The following GMDS variants were observed in gnomAD, a reference collection of about 807,000 sequenced individuals.
GMDS encodes the protein GDP-mannose 4,6 dehydratase.
Under a neutral mutation model 49.9 loss-of-function variants are expected in GMDS, and 20 were observed. The observed-to-expected ratio is 0.40, with a 90% CI of 0.28 to 0.58. The LOEUF is 0.58. GMDS is among the 20% of genes least tolerant of loss of function. The pLI is 0.42. For missense variants in GMDS, 362 were observed against 481.4 expected (o/e 0.75, Z 2.32); for synonymous variants, 177 against 178.6 (o/e 0.99, Z 0.07).
At chr6:2,194,594 T>C (rs1336628628) in intron 1 of GMDS, among the ~76,000 whole-genome samples, 5 of 152,234 alleles carry the variant, frequency 3.3e-5, no homozygotes, top group African/African-American at 9.6e-5. Flanking sequence ...CAAATTTCAA[T>C]TTTTATATCA....
intron 7 of GMDS, among the ~76,000 whole-genome samples, chr6:1,806,424 C>T (rs1419657139): frequency 1.4e-5 from 2 of 147,832 alleles, no homozygotes; most frequent in Non-Finnish European, 3.0e-5. Flanking sequence ...TCAAAAGAGA[C>T]CTCGAGCACA....
At chr6:2,197,157 A>G (rs1180913237) in intron 1 of GMDS, among the ~76,000 whole-genome samples, 1 of 152,254 alleles carries the variant, frequency 6.6e-6, no homozygotes, top group Non-Finnish European at 1.5e-5. Context: ...CACATCCATT[A>G]TGATAACTGT....
At chr6:1,966,148 AC>A in intron 4 of GMDS, among the ~76,000 whole-genome samples, 1 of 152,184 alleles carries the variant, frequency 6.6e-6, no homozygotes, top group South Asian at 2.1e-4. Flanking sequence ...AAGCTTCCAA[AC>A]CCCCAAAACT....
chr6:1,895,958 C>T (rs764987133), intron 7 of GMDS, among the ~76,000 whole-genome samples: 2 of 152,158 alleles, frequency 1.3e-5, no homozygotes, highest in African/African-American at 4.8e-5. Context: ...AGTGCAGGCA[C>T]TGAAGCTACA....
chr6:2,232,006 C>T (rs1320297653), intron 1 of GMDS, among the ~76,000 whole-genome samples: 3 of 152,040 alleles, frequency 2.0e-5, no homozygotes, highest in East Asian at 1.9e-4. Context: ...TGGACTAATG[C>T]CAATCCATGA....
intron 7 of GMDS, among the ~76,000 whole-genome samples, chr6:1,767,253 C>CTAA (rs3039698): frequency 6.6e-6 from 1 of 151,786 alleles, no homozygotes; most frequent in African/African-American, 2.4e-5. Context: ...TGTAAAATGG[C>CTAA]TAATTACAAA....
chr6:2,189,059 T>G (rs1460148576), intron 1 of GMDS, among the ~76,000 whole-genome samples: 3 of 152,156 alleles, frequency 2.0e-5, no homozygotes, highest in African/African-American at 7.2e-5. Flanking sequence ...TTATATGAAC[T>G]GGTGGAGAAC....
intron 4 of GMDS, among the ~76,000 whole-genome samples, chr6:2,022,045 T>C (rs1009320745): frequency 4.6e-5 from 7 of 152,186 alleles, no homozygotes; most frequent in Non-Finnish European, 7.4e-5. Context: ...ATGCTTTTCA[T>C]TGAAGCCTGA....
chr6:1,924,602 G>A (rs909378102), intron 7 of GMDS, among the ~76,000 whole-genome samples: 1 of 152,160 alleles, frequency 6.6e-6, no homozygotes, highest in Non-Finnish European at 1.5e-5. Flanking sequence ...ATCAAAGTGG[G>A]ATCTCATTGG....
In GMDS at chr6:1,930,132, C is replaced by A. The variant is rs1762220729; in HGVS notation, c.742G>T (p.Asp248Tyr). ...ACATAGTCCTTGGCATGGCCCCAAT[C>A]TCGTTTGGCATCCAGATTTCCCAAA... is the stretch of plus-strand genomic sequence containing the variant. ...FSLGNLDAKR[D>Y]WGHAKDYVEA... The change falls in exon 7 of 11, where the codon GAT becomes TAT. Residue 248 changes from aspartate to tyrosine, a missense_variant. Transcript: ENST00000380815. 1 of 1,612,940 alleles carries A rather than the reference C, an allele frequency of 6.2e-7. No homozygotes were observed. Among genetic ancestry groups the A allele is most frequent in the Non-Finnish European group, 8.5e-7 (1 of 1,179,318 alleles).
rs185808988 is a variant in GMDS at position 2,015,189 on chromosome 6, G to A, written c.346-54223C>T. Among the ~76,000 whole-genome samples the A allele has an allele frequency of 3.6e-3, 553 of 152,124 alleles. 3 individuals carry two copies. The highest frequency in any genetic ancestry group is 0.012 in the African/African-American group (503 of 41,500). ...CAAGGACATAGCTGAAGTGAAAAACGCCATCAATCTGCTAAAAAGACTTAA... is the reference window on the plus strand; with the variant it reads ...CAAGGACATAGCTGAAGTGAAAAACACCATCAATCTGCTAAAAAGACTTAA... On this transcript the variant is annotated intron_variant, in intron 4 of 10. Transcript: ENST00000380815.
chr6:2,185,403 C>A (rs1778735122), intron 1 of GMDS, among the ~76,000 whole-genome samples: 2 of 152,172 alleles, frequency 1.3e-5, no homozygotes, highest in African/African-American at 4.8e-5. Flanking sequence ...ATTACGTATT[C>A]TTTGTATTGT....
chr6:2,006,824 G>A (rs978009133), intron 4 of GMDS, among the ~76,000 whole-genome samples: 16 of 151,850 alleles, frequency 1.1e-4, no homozygotes, highest in African/African-American at 2.9e-4. Flanking sequence ...CAAAATATAC[G>A]AAGTTTTGCA....
At chr6:1,984,273 T>C (rs1249502045) in intron 4 of GMDS, among the ~76,000 whole-genome samples, 1 of 152,178 alleles carries the variant, frequency 6.6e-6, no homozygotes, top group Non-Finnish European at 1.5e-5. Flanking sequence ...TAATGAATTC[T>C]GGGCTTAATA....
chr6:1,896,263 G>A (rs902683262), intron 7 of GMDS, among the ~76,000 whole-genome samples: 5 of 152,122 alleles, frequency 3.3e-5, no homozygotes, highest in African/African-American at 4.8e-5. Flanking sequence ...AAAAACTGTC[G>A]CCAGACATTG....
At chr6:2,088,504 C>G (rs1309821454) in intron 4 of GMDS, among the ~76,000 whole-genome samples, 1 of 152,202 alleles carries the variant, frequency 6.6e-6, no homozygotes, top group African/African-American at 2.4e-5. Context: ...ACACATTCTT[C>G]CAGTCTCGAA....
chr6:1,845,147 C>G (rs1293561773), intron 7 of GMDS, among the ~76,000 whole-genome samples: 1 of 152,316 alleles, frequency 6.6e-6, no homozygotes, highest in East Asian at 1.9e-4. Context: ...TATCACACAG[C>G]ATTTTACATC....
At chr6:1,671,819 C>T (rs906814009) in intron 9 of GMDS, among the ~76,000 whole-genome samples, 1 of 152,022 alleles carries the variant, frequency 6.6e-6, no homozygotes, top group Non-Finnish European at 1.5e-5. Flanking sequence ...TGTGCGCCAC[C>T]ACACCCGGCT....
chr6:1,856,603 T>C (rs1757946783), intron 7 of GMDS, among the ~76,000 whole-genome samples: 1 of 152,238 alleles, frequency 6.6e-6, no homozygotes, highest in Admixed American at 6.5e-5. Context: ...AATCCTGGCA[T>C]ACTGCCCAGA....
Sources: allele counts gnomAD v4.1 joint callset (sites outside exome capture counted in the v4.1 genomes callset), GRCh38; gene constraint gnomAD v4.1.1; transcripts MANE v1.5; gene names NCBI Gene and HGNC (gene_info 2026-07-23, HGNC 2026-07-21).